Variants in ST3GAL1 observed in about 807,000 individuals in gnomAD.
The protein encoded by ST3GAL1 is ST3 beta-galactoside alpha-2,3-sialyltransferase 1.
Under a neutral mutation model 34.1 loss-of-function variants are expected in ST3GAL1, and 16 were observed. The ratio of observed to expected loss-of-function variants is 0.47; its 90% confidence interval spans 0.32 to 0.71. The LOEUF (loss-of-function observed/expected upper bound fraction) is 0.71, where lower values mean the gene tolerates loss of function less well. Among genes scored for constraint, ST3GAL1 ranks in the 30% least tolerant of loss-of-function variants. The probability of loss-of-function intolerance (pLI) is 0.04; values close to 1 mark genes in which losing one functional copy is unlikely to be tolerated. For missense variants in ST3GAL1, 353 were observed against 447.4 expected (o/e 0.79, Z 1.90); for synonymous variants, 191 against 184.7 (o/e 1.03, Z -0.28).
At chr8:133,560,429 G>A (rs935964038) in intron 1 of ST3GAL1, among the ~76,000 whole-genome samples, 1 of 152,178 alleles carries the variant, frequency 6.6e-6, no homozygotes, top group Admixed American at 6.5e-5. Context: ...ATAAACCCAC[G>A]GACTCACCCA....
At chr8:133,569,492 T>C (rs1005936597) in intron 1 of ST3GAL1, among the ~76,000 whole-genome samples, 3 of 152,132 alleles carry the variant, frequency 2.0e-5, no homozygotes, top group African/African-American at 4.8e-5. Flanking sequence ...TTTGCAGATA[T>C]AGAAACTGAG....
intron 1 of ST3GAL1, among the ~76,000 whole-genome samples, chr8:133,547,808 G>C (rs554319490): frequency 7.2e-5 from 11 of 152,214 alleles, no homozygotes; most frequent in Admixed American, 2.6e-4. Context: ...GATACATGAG[G>C]ATAAACTTGT....
intron 2 of ST3GAL1, among the ~76,000 whole-genome samples, chr8:133,522,566 A>G (rs898319619): frequency 4.6e-5 from 7 of 152,164 alleles, no homozygotes; most frequent in Non-Finnish European, 1.0e-4. Context: ...CTCTCAGAGT[A>G]CTTTACCCTG....
At chr8:133,551,446 AAC>A (rs1311225025) in intron 1 of ST3GAL1, among the ~76,000 whole-genome samples, 1 of 151,594 alleles carries the variant, frequency 6.6e-6, no homozygotes, top group Non-Finnish European at 1.5e-5. Context: ...CCAGCCTGGC[AAC>A]AGAGTGAGGA....
chr8:133,491,747 G>A (rs1399147603), intron 3 of ST3GAL1, among the ~76,000 whole-genome samples: 2 of 152,124 alleles, frequency 1.3e-5, no homozygotes, highest in African/African-American at 4.8e-5. Context: ...GGGATGGGTG[G>A]GAGCGTCAGG....
chr8:133,535,525 A>ATTTTTTTTTTTTTTTTTTTT (rs112708766), intron 2 of ST3GAL1, among the ~76,000 whole-genome samples: 1,658 of 144,380 alleles, frequency 0.011, 64 homozygotes, highest in African/African-American at 0.042. Context: ...GTATTTTTTA[A>ATTTTTTTTTTTTTTTTTTTT]TTTTTTTTTT....
intron 3 of ST3GAL1, among the ~76,000 whole-genome samples, chr8:133,497,454 GAA>G (rs1309201143): frequency 4.7e-4 from 15 of 31,678 alleles, no homozygotes; most frequent in Admixed American, 1.6e-3. Flanking sequence ...AATTTTGTTG[GAA>G]TTTTTTTTTT....
intron 3 of ST3GAL1, among the ~76,000 whole-genome samples, chr8:133,498,621 A>G (rs1393181606): frequency 6.6e-6 from 1 of 152,246 alleles, no homozygotes; most frequent in African/African-American, 2.4e-5. Context: ...CAAAAACAAC[A>G]AAACCAAAAA....
chr8:133,544,035 T>C (rs2131072204), intron 2 of ST3GAL1: 1 of 152,390 alleles, frequency 6.6e-6, no homozygotes, highest in East Asian at 1.9e-4. Flanking sequence ...AATCTAGATG[T>C]GCAGAATACA....
At chr8:133,460,318 G>A (rs1806809522) in intron 9 of ST3GAL1, among the ~76,000 whole-genome samples, 1 of 152,166 alleles carries the variant, frequency 6.6e-6, no homozygotes, top group Non-Finnish European at 1.5e-5. Flanking sequence ...AGGGCTTTGG[G>A]GCCAAGCAAA....
chr8:133,539,062 G>A (rs539990280), intron 2 of ST3GAL1, among the ~76,000 whole-genome samples: 29 of 152,300 alleles, frequency 1.9e-4, no homozygotes, highest in African/African-American at 5.5e-4. Context: ...AGCCAGCCCT[G>A]CGAGAGTGCT....
At chr8:133,514,786 G>A (rs1314478774) in intron 2 of ST3GAL1, among the ~76,000 whole-genome samples, 2 of 152,076 alleles carry the variant, frequency 1.3e-5, no homozygotes, top group Admixed American at 1.3e-4. Context: ...GGGTCTGCCC[G>A]CTAAGACCCT....
intron 2 of ST3GAL1, among the ~76,000 whole-genome samples, chr8:133,520,886 C>T (rs1817785681): frequency 6.6e-6 from 1 of 151,256 alleles, no homozygotes; most frequent in Non-Finnish European, 1.5e-5. Context: ...ATTCTTGTGC[C>T]TCAGCCTCCT....
At chr8:133,566,985 C>T (rs943482146) in intron 1 of ST3GAL1, 3 of 152,232 alleles carry the variant, frequency 2.0e-5, no homozygotes, top group Admixed American at 1.3e-4. Flanking sequence ...AACAGGCTTA[C>T]AGCCAATCTT....
chr8:133,533,189 T>C (rs947690509), intron 2 of ST3GAL1, among the ~76,000 whole-genome samples: 4 of 152,132 alleles, frequency 2.6e-5, no homozygotes, highest in South Asian at 2.1e-4. Flanking sequence ...TGGAGACCCA[T>C]AGAATTCCAA....
At chr8:133,486,006 T>A (rs1018962704) in intron 3 of ST3GAL1, among the ~76,000 whole-genome samples, 4 of 152,192 alleles carry the variant, frequency 2.6e-5, no homozygotes, top group Non-Finnish European at 1.5e-5. Context: ...TTCTATACTG[T>A]GTTCTAAGCA....
intron 2 of ST3GAL1, among the ~76,000 whole-genome samples, chr8:133,505,355 T>C (rs1008008666): frequency 2.0e-5 from 3 of 152,084 alleles, no homozygotes; most frequent in Non-Finnish European, 2.9e-5. Flanking sequence ...TAATAAAAGA[T>C]TGTGGTTCCT....
Position 133,478,035 on chromosome 8 carries a change from A to G in ST3GAL1, c.-373-1435T>C, listed in dbSNP as rs76247989. Among the ~76,000 whole-genome samples the G allele has an allele frequency of 1.6e-4, 25 of 152,278 alleles. No individual in the cohort carries two copies. The East Asian group carries it at 2.7e-3, about 17-fold the overall frequency. On this transcript the variant is annotated intron_variant, in intron 3 of 9. Coordinates refer to ENST00000522652, the MANE Select transcript of ST3GAL1 (RefSeq NM_173344.3). ...ACTAGAAGCCCAACGTATGGAGGAC[A>G]AGGTCTGAGCTCTGCAGCTCAGTTG...
chr8:133,477,363 G>A (rs991633149), intron 3 of ST3GAL1, among the ~76,000 whole-genome samples: 1 of 152,152 alleles, frequency 6.6e-6, no homozygotes, highest in African/African-American at 2.4e-5. Flanking sequence ...TCATGCATAC[G>A]TATCTCTTCA....
Sources: allele counts gnomAD v4.1 joint callset (sites outside exome capture counted in the v4.1 genomes callset), GRCh38; gene constraint gnomAD v4.1.1; transcripts MANE v1.5; gene names NCBI Gene and HGNC (gene_info 2026-07-23, HGNC 2026-07-21).